Variants in POLR3B observed in about 807,000 individuals in gnomAD.
The protein encoded by POLR3B is RNA polymerase III subunit B.
POLR3B carries 96 observed loss-of-function variants against 147.4 expected under a neutral mutation model. The ratio of observed to expected loss-of-function variants is 0.65; its 90% CI spans 0.55 to 0.77. POLR3B has a LOEUF of 0.77. Ranked by LOEUF, POLR3B falls within the 30% of genes least tolerant of loss-of-function variation. The pLI is 0.00. For synonymous variants in POLR3B, 461 were observed against 485.9 expected (o/e 0.95, Z 0.67); for missense variants, 1,036 against 1,413.5 (o/e 0.73, Z 4.28).
intron 1 of POLR3B, 157 bp downstream of exon 1, chr12:106,358,108 T>C (rs932446324): frequency 3.3e-6 from 5 of 1,505,374 alleles, no homozygotes; most frequent in South Asian, 1.2e-5. Flanking sequence ...GAGTCTTTTT[T>C]CCAGAGCCGG....
intron 23 of POLR3B, among the ~76,000 whole-genome samples, chr12:106,488,721 A>G (rs1012319943): frequency 6.6e-6 from 1 of 152,260 alleles, no homozygotes; most frequent in African/African-American, 2.4e-5. Context: ...AAATCAAAAT[A>G]ACACATGTAA....
At position 106,477,329 on chromosome 12, in the gene POLR3B, C is replaced by T. The variant is rs1432748281; in HGVS notation, c.2713+13709C>T. On this transcript the variant is annotated intron_variant, in intron 23 of 27. Transcript: ENST00000228347. ...GTTACTGCTGTCTTTTTGTTTGTGC[C>T]CTGCCCCCAGAGGTGGAGCCTACAG... Among the ~76,000 whole-genome samples the T allele has an allele frequency of 1.6e-4, 19 of 116,314 alleles. 3 individuals are homozygous for T. Among genetic ancestry groups the T allele is most frequent in the Non-Finnish European group, 3.3e-4 (19 of 58,122 alleles). The allele number at this position is 116,314 out of a possible 152,430, so 76.3% of individuals were successfully genotyped here.
chr12:106,435,501 T>C (rs11112992), intron 16 of POLR3B, among the ~76,000 whole-genome samples: 30,056 of 151,854 alleles, frequency 0.2, 3,121 homozygotes, highest in Non-Finnish European at 0.22. Context: ...TAGCCAGAAT[T>C]GGTTTCTCTT....
intron 9 of POLR3B, among the ~76,000 whole-genome samples, chr12:106,389,486 G>GA (rs2036885231): frequency 1.3e-5 from 2 of 152,148 alleles, no homozygotes; most frequent in African/African-American, 4.8e-5. Context: ...CTTAGATTCA[G>GA]CATCAAGACA....
Position 106,463,524 on chromosome 12 carries a change from T to C in POLR3B, c.2617T>C (p.Ser873Pro). ...DSYIEKVMISSNAEDAFLIKM... is the reference protein window; with the variant it reads ...DSYIEKVMISPNAEDAFLIKM... ...ATATATTGAAAAAGTGATGATATCT[T>C]CAAATGCTGAAGATGCTTTTCTGAT... The change falls in exon 23 of 28, where the codon TCA becomes CCA. Residue 873 changes from serine to proline, a missense_variant. Ser to Pro is a moderately conservative substitution (Grantham distance 74). Coordinates refer to ENST00000228347, the MANE Select transcript of POLR3B (RefSeq NM_018082.6). The C allele has an allele frequency of 6.2e-7, 1 of 1,613,140 alleles. No homozygotes were observed. The highest frequency in any genetic ancestry group is 8.5e-7 in the Non-Finnish European group (1 of 1,179,152).
At position 106,357,909 on chromosome 12, in the gene POLR3B, C is replaced by A; in HGVS notation, c.30C>A (p.Asn10Lys). MDVLAEEFG[N>K]LTPEQLAAPI... The stretch of plus-strand genomic sequence containing the variant: ...ACGTGCTAGCGGAGGAGTTTGGGAA[C>A]CTGACTCCGGAGCAGCTGGCGGCGC... Residue 10 changes from asparagine (N) to lysine (K), a missense_variant, in exon 1 of 28, where the codon AAC (asparagine) becomes AAA (lysine). Physicochemically the swap from Asn to Lys is moderately conservative, Grantham distance 94. Around this residue, in one of 12 missense-constraint regions of POLR3B, gnomAD observed 150 missense variants for 145.5 expected, o/e 1.03. Coordinates refer to ENST00000228347, the MANE Select transcript of POLR3B (RefSeq NM_018082.6). 6.2e-7 allele frequency: 1 copy of A among 1,613,628 alleles called. No individual in the cohort carries two copies. Among genetic ancestry groups the A allele is most frequent in the Non-Finnish European group, 8.5e-7 (1 of 1,179,994 alleles).
At chr12:106,482,560 C>A (rs757056557) in intron 23 of POLR3B, among the ~76,000 whole-genome samples, 3 of 152,150 alleles carry the variant, frequency 2.0e-5, no homozygotes, top group Non-Finnish European at 4.4e-5. Flanking sequence ...TGTGAGAACT[C>A]ACTCACTATC....
intron 12 of POLR3B, among the ~76,000 whole-genome samples, chr12:106,425,061 AC>A: frequency 6.6e-6 from 1 of 152,292 alleles, no homozygotes; most frequent in South Asian, 2.1e-4. Context: ...GCAAGTAAAG[AC>A]AGTTTTATTG....
At position 106,357,769 on chromosome 12, in the gene POLR3B, CG is replaced by C; in HGVS notation, c.-107del. The C allele has an allele frequency of 2.8e-6, 3 of 1,064,210 alleles. No individual in the cohort carries two copies. The highest frequency in any genetic ancestry group is 1.3e-5 in the South Asian group (1 of 74,140). 65.9% of individuals were successfully genotyped at this position (1,064,210 alleles called of 1,614,324 possible). On this transcript the variant is annotated 5_prime_UTR_variant, in exon 1 of 28. Coordinates refer to ENST00000228347, the MANE Select transcript of POLR3B (RefSeq NM_018082.6). ...CCGCGTCTCTAGCTAACACGCACGG[CG>C]GGGACAGTTTAGGCCTCCGCGCACC...
intron 18 of POLR3B, among the ~76,000 whole-genome samples, chr12:106,440,175 C>T (rs753275221): frequency 5.3e-5 from 8 of 152,128 alleles, no homozygotes; most frequent in Admixed American, 1.3e-4. Flanking sequence ...TGTCTATTTC[C>T]GTCCTGACCC....
At position 106,482,294 on chromosome 12, in the gene POLR3B, C is replaced by T. The variant is rs571226879; in HGVS notation, c.2714-13761C>T. ...TATATGTTGTTAAATATCCAGAATA[C>T]CTTGTTGGCTAACTTAGTGTGTTAT... is the stretch of plus-strand genomic sequence containing the variant. On this transcript the variant is annotated intron_variant, in intron 23 of 27. Transcript: ENST00000228347. Among the ~76,000 whole-genome samples, 177 of 152,142 alleles carry T rather than the reference C, an allele frequency of 1.2e-3. 1 individual carries two copies. The highest frequency in any genetic ancestry group is 1.3e-3 in the Non-Finnish European group (87 of 68,008).
At chr12:106,360,369 C>T (rs2036453993) in intron 1 of POLR3B, among the ~76,000 whole-genome samples, 1 of 152,180 alleles carries the variant, frequency 6.6e-6, no homozygotes, top group African/African-American at 2.4e-5. Flanking sequence ...GTTCCCCCCT[C>T]TCCCTCCCCT....
intron 23 of POLR3B, among the ~76,000 whole-genome samples, chr12:106,476,745 G>A (rs556526327): frequency 2.7e-4 from 41 of 151,448 alleles, no homozygotes; most frequent in African/African-American, 9.0e-4. Context: ...TCTCTGTATT[G>A]GTTATTGTAG....
chr12:106,479,829 CACAGTA>C (rs2038242107), intron 23 of POLR3B, among the ~76,000 whole-genome samples: 1 of 132,506 alleles, frequency 7.5e-6, no homozygotes. Flanking sequence ...CTTTTCTTTT[CACAGTA>C]TCTTGCTCTG....
chr12:106,428,247 ATTACTT>A (rs1227613178), intron 13 of POLR3B, among the ~76,000 whole-genome samples: 2 of 152,138 alleles, frequency 1.3e-5, no homozygotes, highest in Admixed American at 6.5e-5. Flanking sequence ...TTCTGTTAGA[ATTACTT>A]TTCCTTGCTT....
intron 23 of POLR3B, among the ~76,000 whole-genome samples, chr12:106,475,042 T>C (rs1175501731): frequency 7.5e-6 from 1 of 132,820 alleles, no homozygotes; most frequent in Non-Finnish European, 1.6e-5. Flanking sequence ...TTTGAATGCA[T>C]CCCAGAGATT....
chr12:106,437,033 T>A, intron 16 of POLR3B, 24 bp from the exon 17 acceptor site: 5 of 1,587,666 alleles, frequency 3.1e-6, no homozygotes, highest in Non-Finnish European at 4.3e-6. Context: ...CTATTATTAA[T>A]TTGGTTTGCT....
Position 106,357,883 on chromosome 12 carries a change from G to C in POLR3B, c.4G>C (p.Asp2His). Residue 2 changes from aspartate to histidine, a missense_variant, in exon 1 of 28, where the codon GAC (aspartate) becomes CAC (histidine). Around this residue, in one of 12 missense-constraint regions of POLR3B, gnomAD observed 150 missense variants for 145.5 expected, o/e 1.03. Coordinates refer to ENST00000228347, the MANE Select transcript of POLR3B (RefSeq NM_018082.6). ...TTCTTCCTCCTTCGTGAGCAGCATG[G>C]ACGTGCTAGCGGAGGAGTTTGGGAA... The part of the protein sequence containing the change: M[D>H]VLAEEFGNLT... The C allele has an allele frequency of 1.2e-6, 2 of 1,613,616 alleles. No homozygotes were observed. The highest frequency in any genetic ancestry group is 1.7e-6 in the Non-Finnish European group (2 of 1,179,954).
intron 10 of POLR3B, among the ~76,000 whole-genome samples, chr12:106,394,190 A>G (rs1593015715): frequency 6.6e-6 from 1 of 152,342 alleles, no homozygotes; most frequent in Middle Eastern, 3.4e-3. Context: ...CAGTATATAT[A>G]TATAATTCCA....
Sources: gnomAD v4.1 joint callset for allele counts (sites outside exome capture counted in the v4.1 genomes callset) on GRCh38, gnomAD v4.1.1 for gene constraint, gnomAD v4.1.1 regional missense constraint, MANE v1.5 for transcripts, NCBI Gene and HGNC (gene_info 2026-07-23, HGNC 2026-07-21) for gene names.